The following FAM13A variants were observed in gnomAD, a reference collection of about 807,000 sequenced individuals.
FAM13A encodes the protein protein FAM13A.
Under a neutral mutation model 129.6 loss-of-function variants are expected in FAM13A, and 76 were observed. That is an observed-to-expected ratio of 0.59 (90% confidence interval 0.49 to 0.71). FAM13A has a LOEUF of 0.71. Among genes scored for constraint, FAM13A ranks in the 30% least tolerant of loss-of-function variants. The pLI is 0.00. For missense variants in FAM13A, 1,108 were observed against 1,249.3 expected (o/e 0.89, Z 1.70); for synonymous variants, 443 against 449.9 (o/e 0.98, Z 0.20).
chr4:88,831,353 T>C (rs757659884), intron 7 of FAM13A, among the ~76,000 whole-genome samples: 4 of 152,224 alleles, frequency 2.6e-5, no homozygotes, highest in Non-Finnish European at 5.9e-5. Context: ...TTAAATGATA[T>C]TTCCTGACAG....
chr4:88,834,871 A>G (rs1189162704), intron 7 of FAM13A, among the ~76,000 whole-genome samples: 1 of 152,072 alleles, frequency 6.6e-6, no homozygotes, highest in Non-Finnish European at 1.5e-5. Context: ...TTCCCTGTCC[A>G]TTAGTCTATT....
chr4:88,848,539 C>T (rs1464945281), intron 7 of FAM13A, among the ~76,000 whole-genome samples: 5 of 152,200 alleles, frequency 3.3e-5, no homozygotes, highest in Admixed American at 1.3e-4. Flanking sequence ...CCCACACCTT[C>T]AAGGGACAAA....
At chr4:88,977,693 T>C (rs796420590) in intron 4 of FAM13A, among the ~76,000 whole-genome samples, 7 of 152,338 alleles carry the variant, frequency 4.6e-5, no homozygotes, top group African/African-American at 1.7e-4. Flanking sequence ...TTCTACTATC[T>C]CCTTTTCAGT....
intron 4 of FAM13A, among the ~76,000 whole-genome samples, chr4:88,965,196 T>C (rs1364824319): frequency 6.6e-6 from 1 of 152,178 alleles, no homozygotes; most frequent in East Asian, 1.9e-4. Context: ...CCTCACCAAG[T>C]GGAAGAAACA....
chr4:89,051,547 A>C (rs1467343481), intron 1 of FAM13A, among the ~76,000 whole-genome samples: 1 of 152,176 alleles, frequency 6.6e-6, no homozygotes, highest in Non-Finnish European at 1.5e-5. Context: ...ACAGTCCCTA[A>C]AATCTTAACT....
At chr4:88,823,285 C>A in intron 7 of FAM13A, 1 of 1,240,910 alleles carries the variant, frequency 8.1e-7, no homozygotes, top group Non-Finnish European at 1.0e-6. Context: ...ACCACCGGGC[C>A]AATCAGAGCA....
At chr4:88,842,899 A>G (rs993435124) in intron 7 of FAM13A, among the ~76,000 whole-genome samples, 1 of 152,242 alleles carries the variant, frequency 6.6e-6, no homozygotes, top group African/African-American at 2.4e-5. Flanking sequence ...GATTTTTGTG[A>G]ATGAGTAAAG....
At chr4:88,969,861 A>C (rs372566516) in intron 4 of FAM13A, among the ~76,000 whole-genome samples, 1 of 152,232 alleles carries the variant, frequency 6.6e-6, no homozygotes, top group Non-Finnish European at 1.5e-5. Context: ...GAATCCAGTC[A>C]GTCTAGTGCT....
At chr4:88,906,919 C>A (rs937483537) in intron 5 of FAM13A, among the ~76,000 whole-genome samples, 5 of 152,140 alleles carry the variant, frequency 3.3e-5, no homozygotes, top group African/African-American at 4.8e-5. Flanking sequence ...TTTACCAAAC[C>A]ACTATTAAAC....
intron 3 of FAM13A, among the ~76,000 whole-genome samples, chr4:88,993,010 AG>A (rs1763104215): frequency 6.6e-6 from 1 of 152,222 alleles, no homozygotes; most frequent in African/African-American, 2.4e-5. Context: ...TGCTACTGAC[AG>A]GAAGTGAAAA....
At position 88,726,236 on chromosome 4, in the gene FAM13A, A is replaced by AATAAG. The variant is rs1736438158; in HGVS notation, c.*2292_*2296dup. On this transcript the variant is annotated 3_prime_UTR_variant, in exon 24 of 24. Coordinates refer to ENST00000264344, the MANE Select transcript of FAM13A (RefSeq NM_014883.4). Reference sequence around the variant, plus strand: ...TGACTGACTAACAAACATTTCTTCAAATAAGATCTAGTGTGAAAAGGGCTT... The same window carrying AATAAG: ...TGACTGACTAACAAACATTTCTTCAAATAAGATAAGATCTAGTGTGAAAAGGGCTT... 1 of 152,174 alleles carries AATAAG rather than the reference A, an allele frequency of 6.6e-6. No individual in the cohort carries two copies. The highest frequency in any genetic ancestry group is 2.1e-4 in the South Asian group (1 of 4,830). The allele number at this position is 152,174 out of a possible 1,614,324, so 9.4% of individuals were successfully genotyped here.
chr4:88,909,853 AAC>A (rs1049725834), intron 5 of FAM13A, among the ~76,000 whole-genome samples: 1 of 152,164 alleles, frequency 6.6e-6, no homozygotes, highest in African/African-American at 2.4e-5. Context: ...CAGTTTTGTG[AAC>A]ACACACAAAG....
At chr4:88,789,716 AT>A (rs1407342456) in intron 9 of FAM13A, among the ~76,000 whole-genome samples, 5 of 152,186 alleles carry the variant, frequency 3.3e-5, no homozygotes, top group African/African-American at 9.7e-5. Flanking sequence ...GTAATTTCCA[AT>A]AGTAATAAGT....
rs774847461 is a variant in FAM13A at position 88,737,464 on chromosome 4, G to A, written c.2646+8C>T. On this transcript the variant is annotated splice_region_variant and intron_variant, in intron 21 of 23. Coordinates refer to ENST00000264344, the MANE Select transcript of FAM13A (RefSeq NM_014883.4). ...ATTTAGCAATGGGTTAGCAGCTGGGGTCTTCACCTTTATCTCCTTGAAGAA... is the reference window on the plus strand; with the variant it reads ...ATTTAGCAATGGGTTAGCAGCTGGGATCTTCACCTTTATCTCCTTGAAGAA... 4.3e-6 allele frequency: 7 copies of A among 1,612,026 alleles called. No homozygotes were observed. The South Asian group carries it at 6.6e-5, about 15-fold the overall frequency.
At chr4:88,773,891 A>G (rs977128604) in intron 11 of FAM13A, among the ~76,000 whole-genome samples, 1 of 152,184 alleles carries the variant, frequency 6.6e-6, no homozygotes, top group Non-Finnish European at 1.5e-5. Flanking sequence ...TTCATAAGGT[A>G]TATCACAAAA....
In FAM13A at chr4:88,861,850, G is replaced by A. The variant is rs541942496; in HGVS notation, c.844-10667C>T. On this transcript the variant is annotated intron_variant, in intron 6 of 23. Transcript: ENST00000264344. ...CAATTTTAAAAACCCTATGAAATAG[G>A]TACTACTATTTCCATTTTAAAGGTG... Among the ~76,000 whole-genome samples, 3 of 152,202 alleles carry A rather than the reference G, an allele frequency of 2.0e-5. No homozygotes were observed. The East Asian group carries it at 5.8e-4, about 29-fold the overall frequency.
At chr4:88,965,693 A>T (rs2148931379) in intron 4 of FAM13A, among the ~76,000 whole-genome samples, 1 of 152,212 alleles carries the variant, frequency 6.6e-6, no homozygotes, top group Admixed American at 6.5e-5. Context: ...TGCAAACTTA[A>T]ACTCCATATC....
At chr4:88,971,585 C>A (rs1291854874) in intron 4 of FAM13A, among the ~76,000 whole-genome samples, 1 of 152,176 alleles carries the variant, frequency 6.6e-6, no homozygotes, top group Admixed American at 6.5e-5. Context: ...TGGCTCATTG[C>A]AGCCTTGAAC....
chr4:88,987,022 G>C (rs779924584), intron 4 of FAM13A, among the ~76,000 whole-genome samples: 2 of 152,138 alleles, frequency 1.3e-5, no homozygotes, highest in Non-Finnish European at 2.9e-5. Flanking sequence ...TGGAGAAATG[G>C]TTAATTCCAT....
Sources: allele counts gnomAD v4.1 joint callset (sites outside exome capture counted in the v4.1 genomes callset), GRCh38; gene constraint gnomAD v4.1.1; transcripts MANE v1.5; gene names NCBI Gene and HGNC (gene_info 2026-07-23, HGNC 2026-07-21).